TBPL1: variants seen among roughly 807,000 people sequenced by gnomAD.
The protein encoded by TBPL1 is TATA box-binding protein-like 1.
A neutral mutation model predicts 22.1 loss-of-function variants in TBPL1; 4 were observed. The observed-to-expected ratio is 0.18, with a 90% CI of 0.09 to 0.41. The LOEUF (loss-of-function observed/expected upper bound fraction) is 0.41, where lower values mean the gene tolerates loss of function less well. Among genes scored for constraint, TBPL1 ranks in the 10% least tolerant of loss-of-function variants. The probability of loss-of-function intolerance (pLI) is 1.00; values close to 1 mark genes in which losing one functional copy is unlikely to be tolerated. For synonymous variants in TBPL1, 64 were observed against 71.0 expected (o/e 0.90, Z 0.50); for missense variants, 115 against 222.3 (o/e 0.52, Z 3.07).
At chr6:133,986,078 G>A (rs1776516542) in intron 6 of TBPL1, 1 of 152,164 alleles carries the variant, frequency 6.6e-6, no homozygotes, top group African/African-American at 2.4e-5. Flanking sequence ...ACTTAGATCA[G>A]GAATAGCCTA....
chr6:133,971,375 C>G (rs545297393), intron 1 of TBPL1, among the ~76,000 whole-genome samples: 1 of 152,114 alleles, frequency 6.6e-6, no homozygotes, highest in African/African-American at 2.4e-5. Flanking sequence ...CAGTAAATAG[C>G]GAAGTATAGA....
At chr6:133,984,041 A>C (rs1776463581) in intron 4 of TBPL1, among the ~76,000 whole-genome samples, 1 of 152,150 alleles carries the variant, frequency 6.6e-6, no homozygotes, top group Non-Finnish European at 1.5e-5. Flanking sequence ...GATGACCTGG[A>C]CTTAAATTTT....
At chr6:133,982,915 T>C in intron 4 of TBPL1, 35 bp downstream of exon 4, 10 of 1,551,378 alleles carry the variant, frequency 6.4e-6, no homozygotes, top group Non-Finnish European at 8.8e-6. Context: ...ACTACAAATA[T>C]TCAAGGACTT....
In TBPL1 at chr6:133,986,948, G is replaced by T; in HGVS notation, c.482-13G>T. 6.3e-7 allele frequency: 1 copy of T among 1,588,962 alleles called. No homozygotes were observed. On this transcript the variant is annotated splice_polypyrimidine_tract_variant and intron_variant, in intron 6 of 6. Transcript: ENST00000237264. ...AACTCTTCTCACTCCTTCCTCCATTGTGTTTATTACAGGGCCCAATGTAAA... is the reference window on the plus strand; with the variant it reads ...AACTCTTCTCACTCCTTCCTCCATTTTGTTTATTACAGGGCCCAATGTAAA...
At chr6:133,956,806 G>A (rs1399089665) in intron 1 of TBPL1, among the ~76,000 whole-genome samples, 1 of 152,168 alleles carries the variant, frequency 6.6e-6, no homozygotes, top group Non-Finnish European at 1.5e-5. Context: ...AAACAATAAA[G>A]ATAATGGTGG....
rs59102121 is a variant in TBPL1, at chr6:133,987,648, GTA to G, written c.*626_*627del. 889 of 88,204 alleles carry G rather than the reference GTA, an allele frequency of 0.01. 12 individuals carry two copies. Among genetic ancestry groups the G allele is most frequent in the African/African-American group, 0.02 (561 of 27,564 alleles). 5.5% of individuals were successfully genotyped at this position (88,204 alleles called of 1,614,324 possible). A position where few individuals can be genotyped will look rare whatever the true frequency, so the allele number is the denominator to read the frequency against. On this transcript the variant is annotated 3_prime_UTR_variant, in exon 7 of 7. Coordinates refer to ENST00000237264, the MANE Select transcript of TBPL1 (RefSeq NM_004865.4). ...TTTGTGTGTGTGTGTGTGTGTGTGT[GTA>G]TATATATATATATATATGCACCACA... is the stretch of plus-strand genomic sequence containing the variant.
chr6:133,968,560 G>A (rs952350616), intron 1 of TBPL1, among the ~76,000 whole-genome samples: 4 of 152,184 alleles, frequency 2.6e-5, no homozygotes, highest in African/African-American at 7.2e-5. Flanking sequence ...ACAATCATGA[G>A]AGGTAAATGG....
In TBPL1 at chr6:133,964,537, G is replaced by T. The variant is rs1387446241; in HGVS notation, c.-45+11112G>T. 2.2e-4 allele frequency among the ~76,000 whole-genome samples: 33 copies of T among 150,206 alleles called. 1 individual carries two copies. Among genetic ancestry groups the T allele is most frequent in the Admixed American group, 1.9e-3 (28 of 15,054 alleles). On this transcript the variant is annotated intron_variant, in intron 1 of 6. Coordinates refer to ENST00000237264, the MANE Select transcript of TBPL1 (RefSeq NM_004865.4). ...ACCATCTTGGCTCACTGCAAGCTCC[G>T]TCTCCCGGGTTCACGCCATTCTCCT... is the stretch of plus-strand genomic sequence containing the variant.
intron 1 of TBPL1, among the ~76,000 whole-genome samples, chr6:133,958,810 G>A (rs550702091): frequency 4.6e-5 from 7 of 152,218 alleles, no homozygotes; most frequent in Admixed American, 3.3e-4. Context: ...TGCTTTAAAT[G>A]TGCAGGGTAA....
At position 133,987,995 on chromosome 6, in the gene TBPL1, G is replaced by A. The variant is rs1776562770; in HGVS notation, c.*955G>A. The stretch of plus-strand genomic sequence containing the variant: ...CACCTGTAGTTGTAGAGAAGTGATT[G>A]AGGTTCTTGACTTTAATCTTGGGTT... On this transcript the variant is annotated 3_prime_UTR_variant, in exon 7 of 7. Coordinates refer to ENST00000237264, the MANE Select transcript of TBPL1 (RefSeq NM_004865.4). 1 of 152,084 alleles carries A rather than the reference G, an allele frequency of 6.6e-6. No homozygotes were observed. The highest frequency in any genetic ancestry group is 2.4e-5 in the African/African-American group (1 of 41,414). The allele number at this position is 152,084 out of a possible 1,614,324, so 9.4% of individuals were successfully genotyped here. A position where few individuals can be genotyped will look rare whatever the true frequency, so the allele number is the denominator to read the frequency against.
intron 4 of TBPL1, among the ~76,000 whole-genome samples, chr6:133,983,557 GT>G (rs2114387141): frequency 6.6e-6 from 1 of 152,272 alleles, no homozygotes; most frequent in East Asian, 1.9e-4. Context: ...CTGGTGGGGA[GT>G]GGGGGTTGGT....
rs375156595 is a variant in TBPL1, at chr6:133,984,422, A to C, written c.329A>C (p.Asn110Thr). The change falls in exon 5 of 7, where the codon AAC becomes ACC. Residue 110 changes from asparagine (N) to threonine (T), a missense_variant. Coordinates refer to ENST00000237264, the MANE Select transcript of TBPL1 (RefSeq NM_004865.4). Reference protein sequence around the residue: ...FKVVNVLAVCNMPFEIRLPEF... With the variant: ...FKVVNVLAVCTMPFEIRLPEF... ...GTTGTTAACGTTCTGGCAGTGTGTA[A>C]CATGCCATTTGAAATCCGTTTGCCA... 4.4e-5 allele frequency: 71 copies of C among 1,613,710 alleles called. No homozygotes were observed. The highest frequency in any genetic ancestry group is 5.8e-5 in the Non-Finnish European group (69 of 1,179,834).
At chr6:133,974,087 A>G (rs1776271300) in intron 1 of TBPL1, among the ~76,000 whole-genome samples, 1 of 151,970 alleles carries the variant, frequency 6.6e-6, no homozygotes, top group African/African-American at 2.4e-5. Flanking sequence ...TAACTATGTA[A>G]GTGCATATGT....
At chr6:133,980,008 T>G in intron 1 of TBPL1, 74 bp from the exon 2 acceptor site, 1 of 1,123,064 alleles carries the variant, frequency 8.9e-7, no homozygotes, top group Non-Finnish European at 1.2e-6. Context: ...ATTTTTTACA[T>G]TTCAATTTCA....
rs528419527 is a variant in TBPL1 at position 133,974,042 on chromosome 6, T to A, written c.-44-6040T>A. Among the ~76,000 whole-genome samples, 19 of 150,696 alleles carry A rather than the reference T, an allele frequency of 1.3e-4. No homozygotes were observed. In the East Asian group the frequency reaches 3.7e-3, roughly 29 times the overall value. On this transcript the variant is annotated intron_variant, in intron 1 of 6. Transcript: ENST00000237264. ...AAAAGTCACCCTGCTGTGCCAATTC[T>A]CTGAATAGAACAGTTGTTAACATTT... is the stretch of plus-strand genomic sequence containing the variant.
At chr6:133,964,264 A>G (rs1240706648) in intron 1 of TBPL1, among the ~76,000 whole-genome samples, 3 of 152,116 alleles carry the variant, frequency 2.0e-5, no homozygotes, top group Admixed American at 6.5e-5. Flanking sequence ...TGAGTGACGC[A>G]CCCTTCAACC....
At chr6:133,979,790 A>G (rs575365805) in intron 1 of TBPL1, among the ~76,000 whole-genome samples, 3 of 151,948 alleles carry the variant, frequency 2.0e-5, no homozygotes, top group African/African-American at 7.2e-5. Context: ...GGGATTACAG[A>G]CATGCACCAT....
chr6:133,976,156 T>C (rs1445663495), intron 1 of TBPL1, among the ~76,000 whole-genome samples: 1 of 152,228 alleles, frequency 6.6e-6, no homozygotes, highest in East Asian at 1.9e-4. Flanking sequence ...TCTTTTGCAT[T>C]CAGTGAAAAT....
At chr6:133,972,791 T>A (rs989226399) in intron 1 of TBPL1, among the ~76,000 whole-genome samples, 9 of 152,228 alleles carry the variant, frequency 5.9e-5, no homozygotes, top group African/African-American at 2.2e-4. Context: ...GGTGAATCCA[T>A]CTGTCAGTAA....
Sources: allele counts gnomAD v4.1 joint callset (sites outside exome capture counted in the v4.1 genomes callset), GRCh38; gene constraint gnomAD v4.1.1; transcripts MANE v1.5; gene names NCBI Gene and HGNC (gene_info 2026-07-23, HGNC 2026-07-21).